The following DIAPH2 variants were observed in gnomAD, a reference collection of about 807,000 sequenced individuals.
DIAPH2 encodes the protein protein diaphanous homolog 2.
In DIAPH2, 35 loss-of-function variants were observed where a neutral mutation model predicts 92.7. The ratio of observed to expected loss-of-function variants is 0.38; its 90% CI spans 0.29 to 0.50. The LOEUF is 0.50. Ranked by LOEUF, DIAPH2 falls within the 20% of genes least tolerant of loss-of-function variation. DIAPH2 has a pLI of 0.94. For synonymous variants in DIAPH2, 301 were observed against 280.4 expected (o/e 1.07, Z -0.73); for missense variants, 701 against 819.5 (o/e 0.86, Z 1.77).
At chrX:97,485,621 A>G (rs992763588) in intron 26 of DIAPH2, among the ~76,000 whole-genome samples, 2 of 112,940 alleles carry the variant, frequency 1.8e-5, no homozygotes, top group East Asian at 5.6e-4. Flanking sequence ...TGAGGTGATC[A>G]CACTGCATTG....
At chrX:97,232,334 A>G in intron 22 of DIAPH2, among the ~76,000 whole-genome samples, 1 of 111,502 alleles carries the variant, frequency 9.0e-6, no homozygotes. Flanking sequence ...TCCCGGGTTC[A>G]AGCGATTCTC....
chrX:96,919,703 G>A (rs967425804), intron 9 of DIAPH2, among the ~76,000 whole-genome samples: 1 of 110,233 alleles, frequency 9.1e-6, no homozygotes, highest in Non-Finnish European at 1.9e-5. Flanking sequence ...AGTTTGAAAC[G>A]GCATCAGATA....
intron 5 of DIAPH2, among the ~76,000 whole-genome samples, chrX:96,905,244 A>G (rs779416008): frequency 9.0e-6 from 1 of 111,649 alleles, no homozygotes; most frequent in Non-Finnish European, 1.9e-5. Context: ...TGCAGTCACT[A>G]TTTTCTATTA....
At chrX:97,372,081 C>A (rs930873031) in intron 24 of DIAPH2, among the ~76,000 whole-genome samples, 1 of 112,337 alleles carries the variant, frequency 8.9e-6, no homozygotes, top group Non-Finnish European at 1.9e-5. Flanking sequence ...AAAACCTATT[C>A]TTTGCTGCAG....
At chrX:97,329,776 G>C (rs1281146071) in intron 23 of DIAPH2, among the ~76,000 whole-genome samples, 1 of 109,693 alleles carries the variant, frequency 9.1e-6, no homozygotes, top group Non-Finnish European at 1.9e-5. Flanking sequence ...TAGTAACTCT[G>C]TGTAACACTT....
chrX:96,856,308 G>C (rs2065039039), intron 4 of DIAPH2, among the ~76,000 whole-genome samples: 1 of 111,076 alleles, frequency 9.0e-6, no homozygotes, highest in East Asian at 2.8e-4. Flanking sequence ...CTAGGTAACT[G>C]TATGCTGGGG....
At chrX:97,208,788 A>T (rs1287743183) in intron 22 of DIAPH2, among the ~76,000 whole-genome samples, 6 of 110,953 alleles carry the variant, frequency 5.4e-5, no homozygotes, top group Non-Finnish European at 1.1e-4. Flanking sequence ...AATTTTTATC[A>T]CTTATTTTTT....
intron 17 of DIAPH2, among the ~76,000 whole-genome samples, chrX:97,068,952 G>A (rs934230372): frequency 1.2e-4 from 13 of 111,098 alleles, no homozygotes; most frequent in Admixed American, 3.8e-4. Flanking sequence ...TTTGTATATA[G>A]TGTACTTTTT....
At chrX:97,592,987 T>A (rs1307186025) in intron 26 of DIAPH2, among the ~76,000 whole-genome samples, 1 of 112,249 alleles carries the variant, frequency 8.9e-6, no homozygotes, top group East Asian at 2.8e-4. Flanking sequence ...TTGCACATTA[T>A]AATGTCATTG....
intron 22 of DIAPH2, among the ~76,000 whole-genome samples, chrX:97,245,242 G>A (rs781309432): frequency 5.4e-5 from 6 of 110,637 alleles, no homozygotes; most frequent in Non-Finnish European, 9.5e-5. Context: ...AGGCTCAAGC[G>A]ATCCTCCTAA....
rs766848749 is a variant in DIAPH2, at chrX:96,962,416, T to C, written c.1936-2677T>C. On this transcript the variant is annotated intron_variant, in intron 16 of 26. Coordinates refer to ENST00000324765, the MANE Select transcript of DIAPH2 (RefSeq NM_006729.5). ...ACACATATATATACACATATATATA[T>C]ACACATATATATACATATATATATA... 7.0e-4 allele frequency among the ~76,000 whole-genome samples: 36 copies of C among 51,091 alleles called. 1 individual carries two copies. In the South Asian group the frequency reaches 9.8e-3, roughly 14 times the overall value. 44.4% of individuals were successfully genotyped at this position (51,091 alleles called of 115,157 possible).
intron 26 of DIAPH2, among the ~76,000 whole-genome samples, chrX:97,593,835 G>A (rs939372789): frequency 3.6e-5 from 4 of 111,386 alleles, no homozygotes; most frequent in Non-Finnish European, 7.6e-5. Context: ...AGTATAGAAA[G>A]GAAGACATAT....
At chrX:96,964,605 A>C (rs545277805) in intron 16 of DIAPH2, among the ~76,000 whole-genome samples, 1 of 111,857 alleles carries the variant, frequency 8.9e-6, no homozygotes, top group African/African-American at 3.2e-5. Flanking sequence ...AGATAATAAC[A>C]GGTGAAAAAA....
At chrX:97,533,931 G>A (rs151250055) in intron 26 of DIAPH2, among the ~76,000 whole-genome samples, 1,127 of 111,408 alleles carry the variant, frequency 0.01, 2 homozygotes, top group Non-Finnish European at 0.017. Flanking sequence ...CTATGGAATC[G>A]TAGTGATCTG....
chrX:97,469,417 G>T (rs939366084), intron 26 of DIAPH2, among the ~76,000 whole-genome samples: 12 of 111,765 alleles, frequency 1.1e-4, no homozygotes, highest in Non-Finnish European at 1.9e-5. Flanking sequence ...CAAGAATGCA[G>T]CTTGAGATGG....
intron 23 of DIAPH2, among the ~76,000 whole-genome samples, chrX:97,293,449 C>T (rs1360450553): frequency 9.1e-6 from 1 of 109,566 alleles, no homozygotes; most frequent in Non-Finnish European, 1.9e-5. Context: ...GACGGGGTTT[C>T]ACCATGTTGG....
rs932138732 is a variant in DIAPH2 at position 97,602,610 on chromosome X, A to G, written c.*3293A>G. On this transcript the variant is annotated 3_prime_UTR_variant, in exon 27 of 27. Transcript: ENST00000324765. ...CAGTAATCCTCTTTCTCAGGGCTCCACCCTTTGGGCCTGTAGCTCTTCTTT... is the reference window on the plus strand; with the variant it reads ...CAGTAATCCTCTTTCTCAGGGCTCCGCCCTTTGGGCCTGTAGCTCTTCTTT... 1 of 111,757 alleles carries G rather than the reference A, an allele frequency of 8.9e-6. No individual in the cohort carries two copies. 9.2% of individuals were successfully genotyped at this position (111,757 alleles called of 1,213,427 possible). A position where few individuals can be genotyped will look rare whatever the true frequency, so the allele number is the denominator to read the frequency against.
At chrX:97,500,130 C>G (rs1051202155) in intron 26 of DIAPH2, among the ~76,000 whole-genome samples, 1 of 111,782 alleles carries the variant, frequency 8.9e-6, no homozygotes, top group African/African-American at 3.3e-5. Context: ...AGTTAAAGGG[C>G]TCTGATAACT....
At chrX:96,873,645 T>TACAC (rs1460697636) in intron 4 of DIAPH2, among the ~76,000 whole-genome samples, 3 of 68,526 alleles carry the variant, frequency 4.4e-5, no homozygotes, top group African/African-American at 1.5e-4. Flanking sequence ...TGCGTATATA[T>TACAC]ATACACACAC....
Sources: gnomAD v4.1 joint callset for allele counts (sites outside exome capture counted in the v4.1 genomes callset) on GRCh38, gnomAD v4.1.1 for gene constraint, MANE v1.5 for transcripts, NCBI Gene and HGNC (gene_info 2026-07-23, HGNC 2026-07-21) for gene names.